The following SIN3A variants were observed in gnomAD, a reference collection of about 807,000 sequenced individuals.
The protein encoded by SIN3A is SIN3 transcription regulator family member A, also known as paired amphipathic helix protein Sin3a.
Under a neutral mutation model 146.1 loss-of-function variants are expected in SIN3A, and 14 were observed. The observed-to-expected ratio is 0.10, with a 90% CI of 0.06 to 0.15. SIN3A has a LOEUF of 0.15. Ranked by LOEUF, SIN3A falls within the 10% of genes least tolerant of loss-of-function variation. SIN3A has a pLI of 1.00. For synonymous variants in SIN3A, 572 were observed against 572.0 expected, an observed-to-expected ratio of 1.00 and a Z score of 0.00; for missense variants, 1,028 against 1,576.0, an observed-to-expected ratio of 0.65 and a Z score of 5.89.
intron 2 of SIN3A, among the ~76,000 whole-genome samples, chr15:75,424,748 T>G (rs776427280): frequency 1.3e-5 from 2 of 152,120 alleles, no homozygotes; most frequent in Non-Finnish European, 2.9e-5. Flanking sequence ...GCTGGGGTTA[T>G]AGACGTAAGC....
rs868652287 is a variant in SIN3A at position 75,443,898 on chromosome 15, G to A, written c.-34+7525C>T. Among the ~76,000 whole-genome samples the A allele has an allele frequency of 7.2e-5, 11 of 152,274 alleles. No homozygotes were observed. In the South Asian group the frequency reaches 8.3e-4, roughly 11 times the overall value. ...TGCCCTTCGGCCTGGGCAACAAAGC[G>A]AGGCCCCATCTCTAAAAACTGAAGT... On this transcript the variant is annotated intron_variant, in intron 1 of 20. Transcript: ENST00000394947.
In SIN3A at chr15:75,442,617, T is replaced by TA. The variant is rs374599694; in HGVS notation, c.-34+8805dup. ...AACATAGTGAGATAGATCCCATCTT[T>TA]AAAAAAAAAAAAAAAAAAAAAAAAA... On this transcript the variant is annotated intron_variant, in intron 1 of 20. Transcript: ENST00000394947. 3.5e-3 allele frequency among the ~76,000 whole-genome samples: 427 copies of TA among 123,088 alleles called. 2 individuals carry two copies. Among genetic ancestry groups the TA allele is most frequent in the Middle Eastern group, 7.9e-3 (2 of 254 alleles). 80.8% of individuals were successfully genotyped at this position (123,088 alleles called of 152,430 possible). A position where few individuals can be genotyped will look rare whatever the true frequency, so the allele number is the denominator to read the frequency against.
At chr15:75,448,529 C>T (rs931024120) in intron 1 of SIN3A, among the ~76,000 whole-genome samples, 11 of 151,368 alleles carry the variant, frequency 7.3e-5, no homozygotes, top group Admixed American at 2.0e-4. Flanking sequence ...AACACAGTAT[C>T]TGTGACACAG....
intron 14 of SIN3A, among the ~76,000 whole-genome samples, chr15:75,393,916 TC>T (rs2073255522): frequency 6.6e-6 from 1 of 152,132 alleles, no homozygotes; most frequent in Non-Finnish European, 1.5e-5. Flanking sequence ...CAAGCCATTC[TC>T]CCACCTCATT....
chr15:75,422,622 C>T (rs2141540675), intron 3 of SIN3A, 25 bp downstream of exon 3: 1 of 1,613,924 alleles, frequency 6.2e-7, no homozygotes, highest in Admixed American at 1.7e-5. Flanking sequence ...AATTTTTTGA[C>T]CCAAGAAAAA....
At chr15:75,401,092 T>C in intron 10 of SIN3A, 152 bp from the exon 11 acceptor site, 1 of 623,564 alleles carries the variant, frequency 1.6e-6, no homozygotes, top group Non-Finnish European at 2.8e-6. Flanking sequence ...GCATTTGGTT[T>C]CCCCTTTTTC....
chr15:75,375,909 C>T (rs2072846692), intron 19 of SIN3A, 37 bp from the exon 20 acceptor site: 2 of 1,603,160 alleles, frequency 1.2e-6, no homozygotes, highest in African/African-American at 1.3e-5. Context: ...AGAGCTCGTC[C>T]AGATGCAGAT....
At chr15:75,372,820 CAA>C (rs370930119) in intron 20 of SIN3A, among the ~76,000 whole-genome samples, 50 of 79,512 alleles carry the variant, frequency 6.3e-4, no homozygotes, top group Admixed American at 1.2e-3. Context: ...ACCCTGTCTC[CAA>C]AAAAAAAAAA....
chr15:75,442,154 CTG>C (rs906259186), intron 1 of SIN3A, among the ~76,000 whole-genome samples: 1 of 57,376 alleles, frequency 1.7e-5, no homozygotes, highest in Non-Finnish European at 3.7e-5. Context: ...AAAAAAAAAA[CTG>C]ATTTTTTTTT....
chr15:75,383,390 AG>A (rs1268885944), intron 17 of SIN3A, among the ~76,000 whole-genome samples: 1 of 152,156 alleles, frequency 6.6e-6, no homozygotes, highest in East Asian at 1.9e-4. Context: ...ATTTCAGGAA[AG>A]AATTCTAAGG....
chr15:75,449,503 CA>C (rs2074363510), intron 1 of SIN3A, among the ~76,000 whole-genome samples: 2 of 152,102 alleles, frequency 1.3e-5, no homozygotes, highest in Admixed American at 1.3e-4. Context: ...CAAGTGAAAG[CA>C]AAAACCTCAT....
rs11551122 is a variant in SIN3A, at chr15:75,370,673, G to T, written c.*1306C>A. ...CCCCATCCATCACCAATGTGAATAA[G>T]AAAAAATATATAGAAATACAAACTA... On this transcript the variant is annotated 3_prime_UTR_variant, in exon 21 of 21. Coordinates refer to ENST00000394947, the MANE Select transcript of SIN3A (RefSeq NM_001145358.2). 6.6e-6 allele frequency: 1 copy of T among 151,582 alleles called. No individual in the cohort carries two copies. Among genetic ancestry groups the T allele is most frequent in the African/African-American group, 2.4e-5 (1 of 41,216 alleles). The allele number at this position is 151,582 out of a possible 1,614,324, so 9.4% of individuals were successfully genotyped here. A position where few individuals can be genotyped will look rare whatever the true frequency, so the allele number is the denominator to read the frequency against.
upstream of SIN3A, chr15:75,452,910 T>A (rs1359857023): frequency 6.6e-6 from 1 of 152,266 alleles, no homozygotes; most frequent in Non-Finnish European, 1.5e-5. Context: ...TAGCAGTTCC[T>A]GTGCCCTCTC....
chr15:75,422,162 C>T (rs2073850558), intron 3 of SIN3A: 1 of 184,284 alleles, frequency 5.4e-6, no homozygotes. Context: ...GGGAGAATCA[C>T]TTGAGGCCAG....
intron 3 of SIN3A, among the ~76,000 whole-genome samples, chr15:75,417,627 C>A (rs2073765052): frequency 6.6e-6 from 1 of 152,100 alleles, no homozygotes. Context: ...GATCCGCCTG[C>A]CTCAGCCTCC....
intron 2 of SIN3A, among the ~76,000 whole-genome samples, chr15:75,427,066 T>A (rs575376247): frequency 6.6e-6 from 1 of 152,238 alleles, no homozygotes; most frequent in East Asian, 1.9e-4. Flanking sequence ...TTTTATATCC[T>A]TTTTTTAAAA....
intron 1 of SIN3A, among the ~76,000 whole-genome samples, chr15:75,441,108 G>A (rs900812993): frequency 6.6e-6 from 1 of 151,634 alleles, no homozygotes; most frequent in Non-Finnish European, 1.5e-5. Flanking sequence ...AGGAGCTCAA[G>A]ACCAGCCTAG....
chr15:75,434,005 G>A (rs1008351553), intron 1 of SIN3A, among the ~76,000 whole-genome samples: 1 of 152,268 alleles, frequency 6.6e-6, no homozygotes, highest in Admixed American at 6.5e-5. Context: ...TAAGTAAACT[G>A]CCCAAGGTTG....
intron 2 of SIN3A, among the ~76,000 whole-genome samples, chr15:75,429,199 T>C (rs906414136): frequency 6.6e-6 from 1 of 151,982 alleles, no homozygotes; most frequent in Non-Finnish European, 1.5e-5. Flanking sequence ...TGGGGGAGGA[T>C]AGCTTTGGGC....
Sources: allele counts gnomAD v4.1 joint callset (sites outside exome capture counted in the v4.1 genomes callset), GRCh38; gene constraint gnomAD v4.1.1; transcripts MANE v1.5; gene names NCBI Gene and HGNC (gene_info 2026-07-23, HGNC 2026-07-21).